Variants in MAST4 observed in about 807,000 individuals in gnomAD.
MAST4 encodes the protein microtubule-associated serine/threonine-protein kinase 4.
Under a neutral mutation model 162.7 loss-of-function variants are expected in MAST4, and 89 were observed. The observed-to-expected ratio is 0.55, with a 90% CI of 0.46 to 0.65. The LOEUF is 0.65. Ranked by LOEUF, MAST4 falls within the 30% of genes least tolerant of loss-of-function variation. The probability of loss-of-function intolerance (pLI) is 0.00; values close to 1 mark genes in which losing one functional copy is unlikely to be tolerated. For synonymous variants in MAST4, 1,479 were observed against 1,361.1 expected, an observed-to-expected ratio of 1.09 and a Z score of -1.91; for missense variants, 3,153 against 3,374.0, an observed-to-expected ratio of 0.93 and a Z score of 1.62.
At chr5:67,071,022 G>A (rs769397086) in intron 5 of MAST4, among the ~76,000 whole-genome samples, 12 of 152,072 alleles carry the variant, frequency 7.9e-5, no homozygotes, top group Non-Finnish European at 1.6e-4. Flanking sequence ...GATAAGTTGG[G>A]GATTCATTTA....
At chr5:66,946,359 C>T (rs1332000517) in intron 4 of MAST4, among the ~76,000 whole-genome samples, 3 of 152,102 alleles carry the variant, frequency 2.0e-5, no homozygotes, top group African/African-American at 4.8e-5. Context: ...ATAGCTCTTA[C>T]GAACAAGATA....
At chr5:66,654,582 G>T (rs976261944) in intron 1 of MAST4, among the ~76,000 whole-genome samples, 15 of 152,176 alleles carry the variant, frequency 9.9e-5, no homozygotes, top group Admixed American at 2.0e-4. Flanking sequence ...TTTAACTGTT[G>T]AAGTTTCTTT....
intron 4 of MAST4, among the ~76,000 whole-genome samples, chr5:67,030,971 T>TA (rs1215986946): frequency 6.6e-6 from 1 of 152,202 alleles, no homozygotes; most frequent in African/African-American, 2.4e-5. Flanking sequence ...TTTGACTACT[T>TA]TTGTTTAAAG....
chr5:66,826,893 G>A (rs183608420), intron 3 of MAST4, among the ~76,000 whole-genome samples: 36 of 152,318 alleles, frequency 2.4e-4, no homozygotes, highest in African/African-American at 8.2e-4. Flanking sequence ...AACAACTCTT[G>A]ACATTCAGGG....
chr5:66,908,797 G>A (rs972453496), intron 4 of MAST4, among the ~76,000 whole-genome samples: 1 of 152,072 alleles, frequency 6.6e-6, no homozygotes, highest in Non-Finnish European at 1.5e-5. Flanking sequence ...TTTGGAGCTT[G>A]GACTCAGAAG....
chr5:66,819,580 A>T (rs1401976887), intron 3 of MAST4, among the ~76,000 whole-genome samples: 4 of 152,342 alleles, frequency 2.6e-5, no homozygotes, highest in Non-Finnish European at 5.9e-5. Context: ...GAGGGATTCC[A>T]TACTAATTTT....
At chr5:66,602,469 C>T (rs1176620049) in intron 1 of MAST4, among the ~76,000 whole-genome samples, 1 of 152,038 alleles carries the variant, frequency 6.6e-6, no homozygotes, top group African/African-American at 2.4e-5. Flanking sequence ...AAAGGCTATC[C>T]ACTCAGACCT....
chr5:67,151,189 C>T (rs1293317845), intron 24 of MAST4, among the ~76,000 whole-genome samples: 1 of 152,246 alleles, frequency 6.6e-6, no homozygotes, highest in Admixed American at 6.5e-5. Flanking sequence ...GCATTCATTT[C>T]TGCTGCTATA....
intron 1 of MAST4, among the ~76,000 whole-genome samples, chr5:66,617,010 C>G (rs1349453083): frequency 1.3e-5 from 2 of 152,244 alleles, no homozygotes; most frequent in East Asian, 3.9e-4. Flanking sequence ...AAAAGAGACA[C>G]CTTGCACATT....
At chr5:66,709,558 C>T (rs930145637) in intron 1 of MAST4, among the ~76,000 whole-genome samples, 2 of 152,062 alleles carry the variant, frequency 1.3e-5, no homozygotes, top group African/African-American at 4.8e-5. Flanking sequence ...CTCAAGCAGT[C>T]CTCCCATCTC....
rs74497436 is a variant in MAST4, at chr5:66,742,333, G to C, written c.364-17376G>C. Among the ~76,000 whole-genome samples the C allele has an allele frequency of 6.8e-3, 1,037 of 152,240 alleles. 12 individuals are homozygous for C. Among genetic ancestry groups the C allele is most frequent in the African/African-American group, 0.024 (992 of 41,524 alleles). On this transcript the variant is annotated intron_variant, in intron 1 of 28. Transcript: ENST00000403625. ...CTCAAGCTCATTAAGTTGTTCCCTG[G>C]GGTTCTTGTGTATTGGTGTGTTTTG...
intron 1 of MAST4, among the ~76,000 whole-genome samples, chr5:66,679,866 A>T (rs1052911230): frequency 2.6e-5 from 4 of 152,030 alleles, no homozygotes; most frequent in African/African-American, 9.7e-5. Context: ...TGATGGTGGA[A>T]TTCATCGTCC....
intron 23 of MAST4, 140 bp from the exon 24 acceptor site, chr5:67,149,249 C>T (rs952433477): frequency 4.3e-6 from 3 of 694,864 alleles, no homozygotes; most frequent in South Asian, 3.8e-5. Context: ...TTAATGTTCG[C>T]CTGACACCGT....
chr5:66,856,960 C>A (rs562461609), intron 3 of MAST4, among the ~76,000 whole-genome samples: 1 of 152,290 alleles, frequency 6.6e-6, no homozygotes, highest in South Asian at 2.1e-4. Context: ...TACATTTTGT[C>A]ATTTTTCTTC....
At chr5:66,905,109 C>T (rs1763262660) in intron 4 of MAST4, among the ~76,000 whole-genome samples, 1 of 152,020 alleles carries the variant, frequency 6.6e-6, no homozygotes, top group Non-Finnish European at 1.5e-5. Context: ...AGTTCAGGAC[C>T]AGCCCAGCCA....
At chr5:66,927,836 G>A (rs1302464743) in intron 4 of MAST4, among the ~76,000 whole-genome samples, 1 of 152,184 alleles carries the variant, frequency 6.6e-6, no homozygotes, top group Non-Finnish European at 1.5e-5. Flanking sequence ...CAAGATCATA[G>A]TGTTTGCAGG....
chr5:66,818,532 T>G (rs1402069860), intron 3 of MAST4, among the ~76,000 whole-genome samples: 1 of 152,240 alleles, frequency 6.6e-6, no homozygotes, highest in Non-Finnish European at 1.5e-5. Flanking sequence ...ACAAATACTG[T>G]GTCCTCAGGT....
intron 5 of MAST4, among the ~76,000 whole-genome samples, chr5:67,065,918 G>T (rs752622403): frequency 1.3e-5 from 2 of 152,176 alleles, no homozygotes; most frequent in Non-Finnish European, 2.9e-5. Flanking sequence ...GTCATGAAGT[G>T]TTCAGGTGTG....
At chr5:67,048,473 A>G (rs1395875846) in intron 4 of MAST4, among the ~76,000 whole-genome samples, 1 of 152,204 alleles carries the variant, frequency 6.6e-6, no homozygotes, top group Non-Finnish European at 1.5e-5. Context: ...TTTGTTTAAC[A>G]TATCAGTGAG....
Sources: gnomAD v4.1 joint callset for allele counts (sites outside exome capture counted in the v4.1 genomes callset) on GRCh38, gnomAD v4.1.1 for gene constraint, MANE v1.5 for transcripts, NCBI Gene and HGNC (gene_info 2026-07-23, HGNC 2026-07-21) for gene names.